The following PDZRN3 variants were observed in gnomAD, a reference collection of about 807,000 sequenced individuals.
The protein encoded by PDZRN3 is E3 ubiquitin-protein ligase PDZRN3.
Under a neutral mutation model 85.7 loss-of-function variants are expected in PDZRN3, and 38 were observed. That is an observed-to-expected ratio of 0.44 (90% confidence interval 0.34 to 0.58). The LOEUF (loss-of-function observed/expected upper bound fraction) is 0.58. Among genes scored for constraint, PDZRN3 ranks in the 20% least tolerant of loss-of-function variants. PDZRN3 has a pLI of 0.01. For missense variants in PDZRN3, 1,629 were observed against 1,506.4 expected, an observed-to-expected ratio of 1.08 and a Z score of -1.35; for synonymous variants, 759 against 638.0, an observed-to-expected ratio of 1.19 and a Z score of -2.86.
intron 3 of PDZRN3, among the ~76,000 whole-genome samples, chr3:73,588,743 T>C (rs1178615083): frequency 1.3e-5 from 2 of 152,254 alleles, no homozygotes; most frequent in Admixed American, 6.5e-5. Context: ...TGACACACAG[T>C]TTCTTTTTAA....
chr3:73,491,316 T>C (rs935726880), intron 3 of PDZRN3, among the ~76,000 whole-genome samples: 1 of 152,156 alleles, frequency 6.6e-6, no homozygotes, highest in Non-Finnish European at 1.5e-5. Flanking sequence ...GCCTCCCCCA[T>C]GGAAGATGCA....
At chr3:73,443,945 G>A (rs9846411) in intron 3 of PDZRN3, among the ~76,000 whole-genome samples, 3,780 of 152,110 alleles carry the variant, frequency 0.025, 177 homozygotes, top group African/African-American at 0.086. Context: ...ATTAAAAAGG[G>A]CTCATCTTTA....
At chr3:73,488,146 C>T (rs1703699607) in intron 3 of PDZRN3, among the ~76,000 whole-genome samples, 3 of 152,158 alleles carry the variant, frequency 2.0e-5, no homozygotes, top group African/African-American at 7.2e-5. Context: ...AGATGAAACC[C>T]CGTTTTAAGG....
intron 3 of PDZRN3, among the ~76,000 whole-genome samples, chr3:73,596,765 AT>A (rs1190938051): frequency 6.6e-6 from 1 of 152,242 alleles, no homozygotes; most frequent in Non-Finnish European, 1.5e-5. Context: ...CTAAATAAAT[AT>A]GAAAATGGAA....
chr3:73,564,283 TTAG>T (rs1701898582), intron 3 of PDZRN3, among the ~76,000 whole-genome samples: 2 of 152,232 alleles, frequency 1.3e-5, no homozygotes, highest in African/African-American at 4.8e-5. Flanking sequence ...TGTTCAGACC[TTAG>T]CTGTTCTCTG....
At chr3:73,543,482 T>C (rs558189087) in intron 3 of PDZRN3, among the ~76,000 whole-genome samples, 2 of 152,378 alleles carry the variant, frequency 1.3e-5, no homozygotes, top group African/African-American at 4.8e-5. Flanking sequence ...TGTTCTTTCA[T>C]GTTTACAATG....
intron 3 of PDZRN3, among the ~76,000 whole-genome samples, chr3:73,499,567 G>A (rs939089188): frequency 2.6e-5 from 4 of 152,200 alleles, no homozygotes; most frequent in Non-Finnish European, 5.9e-5. Context: ...ACAAGTTCTG[G>A]ATTTTCTGGA....
rs753742007 is a variant in PDZRN3, at chr3:73,383,903, TG to T, written c.2662del (p.Gln888SerfsTer13). ...QHYQSYMQLI[Q>X]QKSAVEYAQS... ...CGCGTACTCCACGGCCGACTTCTGC[TG>T]GATCAGCTGCATGTAGCTCTGGTAG... On this transcript the variant is annotated frameshift_variant, in exon 10 of 10. Transcript: ENST00000263666. LOFTEE classifies it high-confidence loss of function. The T allele has an allele frequency of 1.9e-6, 3 of 1,612,570 alleles. No homozygotes were observed. The highest frequency in any genetic ancestry group is 1.7e-6 in the Non-Finnish European group (2 of 1,179,538).
At chr3:73,387,791 C>T (rs1701428821) in intron 8 of PDZRN3, among the ~76,000 whole-genome samples, 177 bp downstream of exon 8, 1 of 152,092 alleles carries the variant, frequency 6.6e-6, no homozygotes, top group Non-Finnish European at 1.5e-5. Flanking sequence ...GGCATCTAAC[C>T]AACCTTAAAT....
chr3:73,428,712 C>T (rs190848976), intron 3 of PDZRN3, among the ~76,000 whole-genome samples: 123 of 152,232 alleles, frequency 8.1e-4, no homozygotes, highest in African/African-American at 2.9e-3. Flanking sequence ...CTGGTCCCAC[C>T]CTAGGTCGTT....
intron 3 of PDZRN3, among the ~76,000 whole-genome samples, chr3:73,582,844 G>A (rs182415398): frequency 6.6e-6 from 1 of 152,260 alleles, no homozygotes. Flanking sequence ...TTAGGAAACA[G>A]CCCATTCCTC....
At chr3:73,590,826 A>T (rs1341962938) in intron 3 of PDZRN3, among the ~76,000 whole-genome samples, 2 of 152,236 alleles carry the variant, frequency 1.3e-5, no homozygotes, top group African/African-American at 4.8e-5. Context: ...GACACAAAGC[A>T]TCAGAAATCC....
chr3:73,518,010 A>G (rs1704284905), intron 3 of PDZRN3, among the ~76,000 whole-genome samples: 2 of 152,258 alleles, frequency 1.3e-5, no homozygotes, highest in Admixed American at 1.3e-4. Flanking sequence ...TTGTGGGTAT[A>G]TACCCAAAAG....
At chr3:73,494,556 T>C (rs1049108563) in intron 3 of PDZRN3, among the ~76,000 whole-genome samples, 3 of 152,198 alleles carry the variant, frequency 2.0e-5, no homozygotes, top group Non-Finnish European at 4.4e-5. Context: ...TCAAGAGAAA[T>C]GTTCATAACT....
At chr3:73,598,329 T>C (rs1378895197) in intron 3 of PDZRN3, among the ~76,000 whole-genome samples, 4 of 152,168 alleles carry the variant, frequency 2.6e-5, no homozygotes, top group Non-Finnish European at 5.9e-5. Context: ...CAAAAGGCAC[T>C]GAGATATTTA....
At chr3:73,503,383 T>C (rs1256810207) in intron 3 of PDZRN3, among the ~76,000 whole-genome samples, 1 of 152,168 alleles carries the variant, frequency 6.6e-6, no homozygotes, top group Admixed American at 6.5e-5. Flanking sequence ...TGGGAATGCA[T>C]AACCAAAGTC....
At chr3:73,592,967 T>C (rs561824363) in intron 3 of PDZRN3, among the ~76,000 whole-genome samples, 1 of 152,322 alleles carries the variant, frequency 6.6e-6, no homozygotes, top group Admixed American at 6.5e-5. Context: ...TAGCGCTCGC[T>C]CATGTTACAT....
intron 3 of PDZRN3, among the ~76,000 whole-genome samples, chr3:73,510,731 A>G (rs1158020566): frequency 6.6e-6 from 1 of 152,202 alleles, no homozygotes; most frequent in African/African-American, 2.4e-5. Flanking sequence ...CTGAAACCAC[A>G]GATGGTACCT....
At chr3:73,553,391 T>C (rs1178395171) in intron 3 of PDZRN3, among the ~76,000 whole-genome samples, 3 of 152,012 alleles carry the variant, frequency 2.0e-5, no homozygotes, top group African/African-American at 7.2e-5. Context: ...CTGACCAACA[T>C]GGTGAAACCC....
Sources: gnomAD v4.1 joint callset for allele counts (sites outside exome capture counted in the v4.1 genomes callset) on GRCh38, gnomAD v4.1.1 for gene constraint, MANE v1.5 for transcripts, NCBI Gene and HGNC (gene_info 2026-07-23, HGNC 2026-07-21) for gene names.